The following RTTN variants were observed in gnomAD, a reference collection of about 807,000 sequenced individuals.
RTTN encodes rotatin.
Under a neutral mutation model 269.2 loss-of-function variants are expected in RTTN, and 182 were observed. That is an observed-to-expected ratio of 0.68 (90% CI 0.60 to 0.76). The LOEUF is 0.76. Among genes scored for constraint, RTTN ranks in the 30% least tolerant of loss-of-function variants. The pLI, the probability that RTTN is intolerant of heterozygous loss-of-function variation, is 0.00. For missense variants in RTTN, 2,545 were observed against 2,608.6 expected, an observed-to-expected ratio of 0.98 and a Z score of 0.53; for synonymous variants, 1,006 against 963.5, an observed-to-expected ratio of 1.04 and a Z score of -0.82.
At chr18:70,056,408 G>A (rs1033949869) in intron 37 of RTTN, among the ~76,000 whole-genome samples, 3 of 152,142 alleles carry the variant, frequency 2.0e-5, no homozygotes, top group Non-Finnish European at 2.9e-5. Context: ...TGACATTAAT[G>A]ATAACTTCAT....
chr18:70,189,726 A>T (rs2061626768), intron 9 of RTTN, among the ~76,000 whole-genome samples: 1 of 152,208 alleles, frequency 6.6e-6, no homozygotes, highest in Non-Finnish European at 1.5e-5. Context: ...ACCAGTGAAA[A>T]AACAAAATGG....
intron 11 of RTTN, among the ~76,000 whole-genome samples, chr18:70,171,058 T>C (rs1446431382): frequency 6.6e-6 from 1 of 152,146 alleles, no homozygotes; most frequent in Non-Finnish European, 1.5e-5. Flanking sequence ...GAGACATTTA[T>C]TGTCACCCAA....
chr18:70,176,548 A>G, intron 11 of RTTN, 127 bp downstream of exon 11: 1 of 714,810 alleles, frequency 1.4e-6, no homozygotes, highest in Non-Finnish European at 2.1e-6. Context: ...ATAACCTGTT[A>G]CACTTATTTT....
chr18:70,066,387 A>C (rs1202527552), intron 34 of RTTN, among the ~76,000 whole-genome samples: 4 of 152,216 alleles, frequency 2.6e-5, no homozygotes, highest in Admixed American at 2.6e-4. Context: ...CCTCCTATCA[A>C]GGAAGAACAC....
At chr18:70,124,163 GA>G (rs1443032798) in intron 25 of RTTN, among the ~76,000 whole-genome samples, 1 of 151,920 alleles carries the variant, frequency 6.6e-6, no homozygotes, top group Non-Finnish European at 1.5e-5. Flanking sequence ...CACATGTGAA[GA>G]CATTATTTAT....
At chr18:70,146,614 C>T (rs2060399635) in intron 17 of RTTN, among the ~76,000 whole-genome samples, 1 of 152,200 alleles carries the variant, frequency 6.6e-6, no homozygotes, top group South Asian at 2.1e-4. Flanking sequence ...AGGTTGCCTT[C>T]TGTATGCAGG....
At chr18:70,184,757 T>TGTGTGTGTGTGG in intron 10 of RTTN, among the ~76,000 whole-genome samples, 1 of 120,416 alleles carries the variant, frequency 8.3e-6, no homozygotes, top group Admixed American at 1.1e-4. Context: ...TGTGTGTGTG[T>TGTGTGTGTGTGG]GGTGGCGGGC....
At chr18:70,079,496 T>G (rs2058509582) in intron 32 of RTTN, among the ~76,000 whole-genome samples, 1 of 152,088 alleles carries the variant, frequency 6.6e-6, no homozygotes, top group Non-Finnish European at 1.5e-5. Context: ...AAGTCTTTCA[T>G]GCACACACTA....
At chr18:70,202,365 T>A (rs1439722169) in intron 3 of RTTN, among the ~76,000 whole-genome samples, 2 of 152,218 alleles carry the variant, frequency 1.3e-5, no homozygotes, top group Admixed American at 1.3e-4. Context: ...AAAAAGAAAG[T>A]TGTCAAAAAC....
intron 26 of RTTN, among the ~76,000 whole-genome samples, chr18:70,114,904 G>A (rs758755560): frequency 2.6e-5 from 4 of 151,868 alleles, no homozygotes; most frequent in African/African-American, 4.8e-5. Flanking sequence ...TTTTGTTTCT[G>A]AGAATATAAA....
intron 3 of RTTN, among the ~76,000 whole-genome samples, chr18:70,202,336 C>A (rs539852167): frequency 6.6e-6 from 1 of 152,314 alleles, no homozygotes; most frequent in African/African-American, 2.4e-5. Context: ...CTGATCACTT[C>A]AATTTTCATT....
chr18:70,100,279 TTGAAGACG>T lies in RTTN; in HGVS notation c.3904-7483_3904-7476del, dbSNP rs561587897. Among the ~76,000 whole-genome samples, 1,001 of 152,348 alleles carry T rather than the reference TTGAAGACG, an allele frequency of 6.6e-3. 11 individuals are homozygous for T. The highest frequency in any genetic ancestry group is 0.023 in the African/African-American group (947 of 41,562). Reference sequence around the variant, plus strand: ...CTTGAGCAGTGGTTTGCAGTTCTCCTTGAAGACGTCCTTCACATCCCTTGTAAGTTGGA... The same window carrying T: ...CTTGAGCAGTGGTTTGCAGTTCTCCTTCCTTCACATCCCTTGTAAGTTGGA... On this transcript the variant is annotated intron_variant, in intron 28 of 48. Coordinates refer to ENST00000640769, the MANE Select transcript of RTTN (RefSeq NM_173630.4).
chr18:70,198,108 T>C (rs1270797586), intron 5 of RTTN, among the ~76,000 whole-genome samples: 1 of 152,116 alleles, frequency 6.6e-6, no homozygotes, highest in African/African-American at 2.4e-5. Context: ...AATTAAGAAA[T>C]GAGACAGAAC....
chr18:70,186,297 T>C (rs1217311080), intron 10 of RTTN, among the ~76,000 whole-genome samples: 1 of 152,240 alleles, frequency 6.6e-6, no homozygotes, highest in Non-Finnish European at 1.5e-5. Context: ...AACAGGTTCT[T>C]GGAAACTGAC....
intron 28 of RTTN, among the ~76,000 whole-genome samples, chr18:70,097,633 A>AT (rs1400718778): frequency 6.6e-6 from 1 of 152,218 alleles, no homozygotes; most frequent in Non-Finnish European, 1.5e-5. Context: ...GGCTAATCAA[A>AT]TTTTTTATAA....
At chr18:70,203,284 C>A (rs2061997848) in intron 3 of RTTN, among the ~76,000 whole-genome samples, 1 of 151,952 alleles carries the variant, frequency 6.6e-6, no homozygotes, top group African/African-American at 2.4e-5. Flanking sequence ...ACCGTTGCAA[C>A]CTCCGCCCCC....
rs566490656 is a variant in RTTN at position 70,198,383 on chromosome 18, TGA to T, written c.579-647_579-646del. ...TCTGCCTTTGGGACTGACTCAAAACTGAGAGATCATACAACCTCCTAACCCTT... is the reference window on the plus strand; with the variant it reads ...TCTGCCTTTGGGACTGACTCAAAACTGAGATCATACAACCTCCTAACCCTT... On this transcript the variant is annotated intron_variant, in intron 5 of 48. Coordinates refer to ENST00000640769, the MANE Select transcript of RTTN (RefSeq NM_173630.4). Among the ~76,000 whole-genome samples, 7 of 152,322 alleles carry T rather than the reference TGA, an allele frequency of 4.6e-5. No individual in the cohort carries two copies. In the East Asian group the frequency reaches 1.4e-3, roughly 29 times the overall value.
chr18:70,061,429 A>C, intron 35 of RTTN: 2 of 456,262 alleles, frequency 4.4e-6, no homozygotes, highest in Non-Finnish European at 8.8e-6. Context: ...TTTGGAAAGC[A>C]AGATTTGGGC....
intron 33 of RTTN, 146 bp downstream of exon 33, chr18:70,075,206 T>C: frequency 3.6e-6 from 2 of 550,836 alleles, no homozygotes; most frequent in South Asian, 5.9e-5. Context: ...GGGAAGAAAA[T>C]ACATCTCTCT....
Sources: gnomAD v4.1 joint callset for allele counts (sites outside exome capture counted in the v4.1 genomes callset) on GRCh38, gnomAD v4.1.1 for gene constraint, MANE v1.5 for transcripts, NCBI Gene and HGNC (gene_info 2026-07-23, HGNC 2026-07-21) for gene names.